MINDY4: variants seen among roughly 807,000 people sequenced by gnomAD.
MINDY4 encodes MINDY lysine 48 deubiquitinase 4.
A neutral mutation model predicts 87.0 loss-of-function variants in MINDY4; 68 were observed. The ratio of observed to expected loss-of-function variants is 0.78; its 90% CI spans 0.64 to 0.96. The LOEUF (loss-of-function observed/expected upper bound fraction) is 0.96, where lower values mean the gene tolerates loss of function less well. Among genes scored for constraint, MINDY4 ranks in the 40% least tolerant of loss-of-function variants. The pLI is 0.00. For missense variants in MINDY4, 919 were observed against 928.2 expected, an observed-to-expected ratio of 0.99 and a Z score of 0.13; for synonymous variants, 379 against 363.2, an observed-to-expected ratio of 1.04 and a Z score of -0.50.
chr7:30,889,524 C>T (rs1790733765), intron 17 of MINDY4, among the ~76,000 whole-genome samples: 1 of 152,308 alleles, frequency 6.6e-6, no homozygotes, highest in African/African-American at 2.4e-5. Flanking sequence ...TCTGACTTCA[C>T]CAAGCCAAGC....
At chr7:30,855,216 A>G (rs763366444) in intron 12 of MINDY4, among the ~76,000 whole-genome samples, 2 of 152,266 alleles carry the variant, frequency 1.3e-5, no homozygotes, top group African/African-American at 4.8e-5. Flanking sequence ...AAAATGGAAG[A>G]TGGAGCAGTT....
chr7:30,839,219 TTGG>T lies in MINDY4; in HGVS notation c.1261_1263del (p.Gly421del). The T allele has an allele frequency of 6.2e-7, 1 of 1,607,452 alleles. No homozygotes were observed. The highest frequency in any genetic ancestry group is 8.5e-7 in the Non-Finnish European group (1 of 1,177,974). On this transcript the variant is annotated inframe_deletion, in exon 8 of 18. Transcript: ENST00000265299. ...TTATAGGAAATAAAGACCCTTCTGTTTGGTTCCAGCTTTTGCTGTTTCAATGAA... is the reference window on the plus strand; with the variant it reads ...TTATAGGAAATAAAGACCCTTCTGTTTTCCAGCTTTTGCTGTTTCAATGAA...
chr7:30,847,802 C>T (rs1358029013), intron 9 of MINDY4, among the ~76,000 whole-genome samples: 3 of 152,124 alleles, frequency 2.0e-5, no homozygotes, highest in African/African-American at 2.4e-5. Flanking sequence ...TGCAGTGGCA[C>T]GATCATGGCC....
At chr7:30,848,242 C>T (rs1789287508) in intron 9 of MINDY4, among the ~76,000 whole-genome samples, 2 of 152,348 alleles carry the variant, frequency 1.3e-5, no homozygotes, top group South Asian at 2.1e-4. Context: ...ACACTGGTCA[C>T]ACCTGTGTTG....
Position 30,800,506 on chromosome 7 carries a change from A to T in MINDY4, c.1073+8932A>T. Among the ~76,000 whole-genome samples, 2 of 151,730 alleles carry T rather than the reference A, an allele frequency of 1.3e-5. 1 individual carries two copies. Among genetic ancestry groups the T allele is most frequent in the East Asian group, 3.9e-4 (2 of 5,140 alleles). On this transcript the variant is annotated intron_variant, in intron 5 of 17. Coordinates refer to ENST00000265299, the MANE Select transcript of MINDY4 (RefSeq NM_032222.3). Reference sequence around the variant, plus strand: ...TAGGCACTGGGGATGCCAGTGCATGATATGGTTCCCTGCCTCCAGAAGCCC... The same window carrying T: ...TAGGCACTGGGGATGCCAGTGCATGTTATGGTTCCCTGCCTCCAGAAGCCC...
intron 5 of MINDY4, among the ~76,000 whole-genome samples, chr7:30,798,330 G>C (rs1490700079): frequency 6.6e-6 from 1 of 152,144 alleles, no homozygotes; most frequent in Non-Finnish European, 1.5e-5. Context: ...TTCGTGTATG[G>C]ATTGGATGTG....
At position 30,872,324 on chromosome 7, in the gene MINDY4, G is replaced by A. The variant is rs749614005; in HGVS notation, c.1809+18G>A. 12 of 1,612,304 alleles carry A rather than the reference G, an allele frequency of 7.4e-6. No individual in the cohort carries two copies. The highest frequency in any genetic ancestry group is 9.3e-6 in the Non-Finnish European group (11 of 1,178,632). On this transcript the variant is annotated intron_variant, in intron 14 of 17. Coordinates refer to ENST00000265299, the MANE Select transcript of MINDY4 (RefSeq NM_032222.3). ...GTACACAGGTCAGGGGGCGCTGTGG[G>A]GCCCAGGTGGTCCTTCCCCCTCCTC...
intron 6 of MINDY4, among the ~76,000 whole-genome samples, chr7:30,830,582 C>G (rs545297779): frequency 1.4e-4 from 22 of 152,170 alleles, no homozygotes; most frequent in Non-Finnish European, 2.9e-4. Context: ...GGGAAAAGTC[C>G]CTTATAAAAC....
intron 9 of MINDY4, among the ~76,000 whole-genome samples, chr7:30,846,998 A>G (rs76785891): frequency 0.12 from 17,756 of 151,972 alleles, 2,444 homozygotes; most frequent in African/African-American, 0.33. Flanking sequence ...GACCAGTGCC[A>G]GTCTGTGGCC....
At chr7:30,833,505 G>A (rs1788769005) in intron 6 of MINDY4, among the ~76,000 whole-genome samples, 1 of 152,190 alleles carries the variant, frequency 6.6e-6, no homozygotes, top group South Asian at 2.1e-4. Context: ...AATTATGGGA[G>A]CTACAAGATG....
intron 5 of MINDY4, among the ~76,000 whole-genome samples, chr7:30,810,885 G>C (rs1207515406): frequency 6.6e-6 from 1 of 152,030 alleles, no homozygotes; most frequent in South Asian, 2.1e-4. Flanking sequence ...CAGTAAGAAG[G>C]CACCAAAGAC....
chr7:30,862,276 A>G (rs1789788592), intron 13 of MINDY4, among the ~76,000 whole-genome samples: 1 of 152,248 alleles, frequency 6.6e-6, no homozygotes, highest in South Asian at 2.1e-4. Context: ...AAGGATGGGA[A>G]TAGCCCGGGC....
Position 30,838,374 on chromosome 7 carries a change from A to G in MINDY4, c.1240-826A>G, listed in dbSNP as rs540200132. On this transcript the variant is annotated intron_variant, in intron 7 of 17. Transcript: ENST00000265299. Reference sequence around the variant, plus strand: ...TGGGGGGTTGGGATGGTTCAAGCAGAGTTCACGGGGGACCACTCATGGGCG... The same window carrying G: ...TGGGGGGTTGGGATGGTTCAAGCAGGGTTCACGGGGGACCACTCATGGGCG... Among the ~76,000 whole-genome samples the G allele has an allele frequency of 3.9e-5, 6 of 152,240 alleles. No individual in the cohort carries two copies. The East Asian group carries it at 1.2e-3, about 29-fold the overall frequency.
At chr7:30,842,991 A>G (rs1159717325) in intron 9 of MINDY4, among the ~76,000 whole-genome samples, 1 of 152,176 alleles carries the variant, frequency 6.6e-6, no homozygotes, top group Non-Finnish European at 1.5e-5. Context: ...CTCCACTGCC[A>G]GCTGGTGCTC....
chr7:30,788,891 G>T (rs964389907), intron 4 of MINDY4, among the ~76,000 whole-genome samples: 1 of 151,792 alleles, frequency 6.6e-6, no homozygotes, highest in Non-Finnish European at 1.5e-5. Context: ...AATAATTTTT[G>T]TGTCAGCATG....
At chr7:30,876,953 GA>G (rs1790277984) in intron 15 of MINDY4, among the ~76,000 whole-genome samples, 2 of 152,092 alleles carry the variant, frequency 1.3e-5, no homozygotes, top group African/African-American at 4.8e-5. Context: ...CTTCCCACAT[GA>G]CCACATGTTG....
At chr7:30,890,908 G>A (rs1386809642) in intron 17 of MINDY4, among the ~76,000 whole-genome samples, 1 of 152,102 alleles carries the variant, frequency 6.6e-6, no homozygotes, top group Non-Finnish European at 1.5e-5. Context: ...CCTTCTCATC[G>A]CAGTTCCAAT....
chr7:30,807,853 G>A (rs1450549111), intron 5 of MINDY4, among the ~76,000 whole-genome samples: 4 of 152,176 alleles, frequency 2.6e-5, no homozygotes, highest in South Asian at 2.1e-4. Flanking sequence ...AGAATTGTGC[G>A]CCCTTAAAAG....
chr7:30,883,011 C>T lies in MINDY4; in HGVS notation c.2225+18C>T. 1 of 1,612,954 alleles carries T rather than the reference C, an allele frequency of 6.2e-7. No homozygotes were observed. The highest frequency in any genetic ancestry group is 8.5e-7 in the Non-Finnish European group (1 of 1,179,190). On this transcript the variant is annotated intron_variant, in intron 17 of 17. Coordinates refer to ENST00000265299, the MANE Select transcript of MINDY4 (RefSeq NM_032222.3). Reference sequence around the variant, plus strand: ...AGAACCAAGTGAGTCAAGCCCCTCTCTGGCTTTGAGCCTCACCCTGAATAG... The same window carrying T: ...AGAACCAAGTGAGTCAAGCCCCTCTTTGGCTTTGAGCCTCACCCTGAATAG...
Sources: gnomAD v4.1 joint callset for allele counts (sites outside exome capture counted in the v4.1 genomes callset) on GRCh38, gnomAD v4.1.1 for gene constraint, MANE v1.5 for transcripts, NCBI Gene and HGNC (gene_info 2026-07-23, HGNC 2026-07-21) for gene names.